SEPTIN9: variants seen among roughly 807,000 people sequenced by gnomAD.
SEPTIN9 encodes septin-9.
SEPTIN9 carries 13 observed loss-of-function variants against 56.6 expected under a neutral mutation model. That is an observed-to-expected ratio of 0.23 (90% confidence interval 0.15 to 0.37). The LOEUF (loss-of-function observed/expected upper bound fraction) is 0.37, where lower values mean the gene tolerates loss of function less well. SEPTIN9 is among the 10% of genes least tolerant of loss of function. SEPTIN9 has a pLI of 1.00. For synonymous variants in SEPTIN9, 332 were observed against 334.1 expected, an observed-to-expected ratio of 0.99 and a Z score of 0.07; for missense variants, 650 against 823.1, an observed-to-expected ratio of 0.79 and a Z score of 2.57.
At chr17:77,379,236 G>A (rs372817941) in intron 2 of SEPTIN9, among the ~76,000 whole-genome samples, 29 of 152,086 alleles carry the variant, frequency 1.9e-4, no homozygotes, top group African/African-American at 6.3e-4. Context: ...CACTGGGCCC[G>A]GGGTGTCAGG....
At position 77,429,826 on chromosome 17, in the gene SEPTIN9, G is replaced by A. The variant is rs2037061023; in HGVS notation, c.721+27123G>A. On this transcript the variant is annotated intron_variant, in intron 3 of 11. Transcript: ENST00000427177. This position sits in a 1 kb window ranked among gnomAD's most constrained non-coding sequence, Gnocchi z 5.2. ...TGGGCTGTGCTCAGGGCAACACAGC[G>A]GATGGGGCAGATGTTGCGAAACCTG... 1.3e-5 allele frequency among the ~76,000 whole-genome samples: 2 copies of A among 152,162 alleles called. No individual in the cohort carries two copies. Among genetic ancestry groups the A allele is most frequent in the African/African-American group, 4.8e-5 (2 of 41,424 alleles).
In SEPTIN9 at chr17:77,498,726, C is replaced by T. The variant is rs1435735335; in HGVS notation, c.*68C>T. 4 of 929,572 alleles carry T rather than the reference C, an allele frequency of 4.3e-6. No individual in the cohort carries two copies. The highest frequency in any genetic ancestry group is 3.1e-4 in the Middle Eastern group (1 of 3,236). The allele number at this position is 929,572 out of a possible 1,614,324, so 57.6% of individuals were successfully genotyped here. ...TCCGTCCCCCCCCAGGCCCTCCCAC[C>T]ACCCCATTTTATTTTATATGATTTT... On this transcript the variant is annotated 3_prime_UTR_variant, in exon 12 of 12. Transcript: ENST00000427177.
rs114261660 is a variant in SEPTIN9 at position 77,482,837 on chromosome 17, G to A, written c.913+502G>A. ...GAGCTGGAGGTCACCACGGGAGGTC[G>A]TCGATCAGCACGACCTGGGCAGGGT... On this transcript the variant is annotated intron_variant, in intron 4 of 11. Transcript: ENST00000427177. 3.9e-3 allele frequency: 1,844 copies of A among 474,070 alleles called. 30 individuals are homozygous for A. Among genetic ancestry groups the A allele is most frequent in the African/African-American group, 0.032 (1,645 of 51,742 alleles). 29.4% of individuals were successfully genotyped at this position (474,070 alleles called of 1,614,324 possible). A position where few individuals can be genotyped will look rare whatever the true frequency, so the allele number is the denominator to read the frequency against.
At chr17:77,416,859 C>G (rs1415706838) in intron 3 of SEPTIN9, among the ~76,000 whole-genome samples, 1 of 152,212 alleles carries the variant, frequency 6.6e-6, no homozygotes, top group Non-Finnish European at 1.5e-5. Flanking sequence ...ATCCCAACCT[C>G]GAGCCTCCCA....
intron 3 of SEPTIN9, among the ~76,000 whole-genome samples, chr17:77,465,201 C>T (rs1047562504): frequency 3.3e-5 from 5 of 152,194 alleles, no homozygotes; most frequent in African/African-American, 1.2e-4. Flanking sequence ...GAATAATATT[C>T]CATCGTGGAT....
At chr17:77,351,228 A>AACACACACAC (rs10537405) in intron 2 of SEPTIN9, among the ~76,000 whole-genome samples, 107 of 144,764 alleles carry the variant, frequency 7.4e-4, no homozygotes, top group African/African-American at 1.2e-3. Context: ...GCGTGCACAC[A>AACACACACAC]ACACACACAC....
chr17:77,471,342 C>T (rs770233761), intron 3 of SEPTIN9, among the ~76,000 whole-genome samples: 2 of 152,274 alleles, frequency 1.3e-5, no homozygotes, highest in Non-Finnish European at 2.9e-5. Context: ...ATGGGGCAGC[C>T]TCTGCAGCAT....
intron 1 of SEPTIN9, among the ~76,000 whole-genome samples, chr17:77,285,402 T>C (rs1017722464): frequency 1.3e-5 from 2 of 152,128 alleles, no homozygotes; most frequent in Admixed American, 1.3e-4. Flanking sequence ...TCTTTTTTTA[T>C]TTTTTATTTT....
In SEPTIN9 at chr17:77,294,156, C is replaced by T. The variant is rs142616007; in HGVS notation, c.19+12602C>T. Among the ~76,000 whole-genome samples the T allele has an allele frequency of 1.6e-3, 241 of 150,556 alleles. 2 individuals are homozygous for T. In the East Asian group the frequency reaches 0.032, roughly 20 times the overall value. On this transcript the variant is annotated intron_variant, in intron 1 of 11. Coordinates refer to ENST00000427177, the MANE Select transcript of SEPTIN9 (RefSeq NM_001113491.2). ...AACATAGGCTGGGCGTGGTGGCTCACGCCTGTAATTCCAGCACTGTGGGAG... is the reference window on the plus strand; with the variant it reads ...AACATAGGCTGGGCGTGGTGGCTCATGCCTGTAATTCCAGCACTGTGGGAG...
Position 77,445,471 on chromosome 17 carries a change from G to T in SEPTIN9, c.722-36673G>T. ...GGCTTGGTGGTGGCCGAGGAGCTTGGCAGGAGCAGAGTGCAGGACCTGGGA... is the reference window on the plus strand; with the variant it reads ...GGCTTGGTGGTGGCCGAGGAGCTTGTCAGGAGCAGAGTGCAGGACCTGGGA... On this transcript the variant is annotated intron_variant, in intron 3 of 11. Transcript: ENST00000427177. The surrounding 1 kb of genome is among the most constrained non-coding windows in gnomAD (Gnocchi z 4.7). 1 of 467,230 alleles carries T rather than the reference G, an allele frequency of 2.1e-6. No individual in the cohort carries two copies. Among genetic ancestry groups the T allele is most frequent in the Non-Finnish European group, 4.4e-6 (1 of 225,012 alleles). 28.9% of individuals were successfully genotyped at this position (467,230 alleles called of 1,614,324 possible).
intron 3 of SEPTIN9, among the ~76,000 whole-genome samples, chr17:77,404,016 T>C (rs551620655): frequency 6.6e-6 from 1 of 152,278 alleles, no homozygotes; most frequent in African/African-American, 2.4e-5. Context: ...GAACCTTGTG[T>C]GTGTGGAAAA....
chr17:77,372,073 C>T (rs999247337), intron 2 of SEPTIN9, among the ~76,000 whole-genome samples: 32 of 152,124 alleles, frequency 2.1e-4, no homozygotes, highest in Non-Finnish European at 3.5e-4. Context: ...AGGCGCTCCC[C>T]GGCCACACAT....
chr17:77,468,024 G>C (rs1342381784), intron 3 of SEPTIN9, among the ~76,000 whole-genome samples: 4 of 152,104 alleles, frequency 2.6e-5, no homozygotes, highest in Non-Finnish European at 5.9e-5. Context: ...TCAGCACTTT[G>C]GGAGGCAGAG....
chr17:77,320,887 G>A (rs1309599513), intron 2 of SEPTIN9, among the ~76,000 whole-genome samples: 3 of 152,252 alleles, frequency 2.0e-5, no homozygotes, highest in Non-Finnish European at 2.9e-5. Flanking sequence ...GTGCACGTGT[G>A]TGTGCATGTG....
chr17:77,383,868 C>T (rs552512744), intron 2 of SEPTIN9, among the ~76,000 whole-genome samples: 3 of 152,378 alleles, frequency 2.0e-5, no homozygotes, highest in South Asian at 4.1e-4. Context: ...AGTCATCAGC[C>T]TCTCAGTGCC....
At chr17:77,458,628 A>G (rs766921968) in intron 3 of SEPTIN9, among the ~76,000 whole-genome samples, 28 of 152,206 alleles carry the variant, frequency 1.8e-4, no homozygotes, top group Non-Finnish European at 3.4e-4. Context: ...GAGGCTCAGC[A>G]CGGAACCTGG....
chr17:77,471,596 G>A (rs2038999026), intron 3 of SEPTIN9, among the ~76,000 whole-genome samples: 1 of 152,286 alleles, frequency 6.6e-6, no homozygotes, highest in African/African-American at 2.4e-5. Flanking sequence ...AGGGGCTGGA[G>A]AGAGGGAAGC....
Position 77,445,198 on chromosome 17 carries a change from G to A in SEPTIN9, c.722-36946G>A, listed in dbSNP as rs1422983114. 7 of 470,970 alleles carry A rather than the reference G, an allele frequency of 1.5e-5. No homozygotes were observed. The highest frequency in any genetic ancestry group is 7.7e-5 in the South Asian group (5 of 64,562). 29.2% of individuals were successfully genotyped at this position (470,970 alleles called of 1,614,324 possible). Reference sequence around the variant, plus strand: ...AGCCCCTTCTCAAGGTTGGTCTGTGGGTAGAAATGTGGGCTGCCTCGGGGC... The same window carrying A: ...AGCCCCTTCTCAAGGTTGGTCTGTGAGTAGAAATGTGGGCTGCCTCGGGGC... On this transcript the variant is annotated intron_variant, in intron 3 of 11. Coordinates refer to ENST00000427177, the MANE Select transcript of SEPTIN9 (RefSeq NM_001113491.2). The surrounding 1 kb of genome is among the most constrained non-coding windows in gnomAD (Gnocchi z 4.7).
At chr17:77,427,475 T>A (rs1342880259) in intron 3 of SEPTIN9, among the ~76,000 whole-genome samples, 1 of 152,174 alleles carries the variant, frequency 6.6e-6, no homozygotes, top group South Asian at 2.1e-4. Flanking sequence ...ATGCCCCACC[T>A]CACTTCCCCC....
Sources: gnomAD v4.1 joint callset for allele counts (sites outside exome capture counted in the v4.1 genomes callset) on GRCh38, gnomAD v4.1.1 for gene constraint, Gnocchi (gnomAD v3.1) non-coding constraint, MANE v1.5 for transcripts, NCBI Gene and HGNC (gene_info 2026-07-23, HGNC 2026-07-21) for gene names.